Variants in DOCK9 observed in about 807,000 individuals in gnomAD.
The protein encoded by DOCK9 is dedicator of cytokinesis 9, also known as dedicator of cytokinesis protein 9.
DOCK9 carries 89 observed loss-of-function variants against 263.3 expected under a neutral mutation model. The ratio of observed to expected loss-of-function variants is 0.34; its 90% CI spans 0.28 to 0.40. The LOEUF (loss-of-function observed/expected upper bound fraction) is 0.40, where lower values mean the gene tolerates loss of function less well. Among genes scored for constraint, DOCK9 ranks in the 10% least tolerant of loss-of-function variants. The pLI is 1.00. For missense variants in DOCK9, 2,140 were observed against 2,603.4 expected (o/e 0.82, Z 3.87); for synonymous variants, 976 against 973.1 (o/e 1.00, Z -0.06).
intron 3 of DOCK9, among the ~76,000 whole-genome samples, chr13:98,928,149 C>CCCCCA: frequency 6.6e-6 from 1 of 152,208 alleles, no homozygotes; most frequent in East Asian, 1.9e-4. Context: ...AGGCAAGCAA[C>CCCCCA]CCCCACCCCT....
At chr13:99,064,451 T>C (rs1003486661) in intron 1 of DOCK9, among the ~76,000 whole-genome samples, 1 of 152,200 alleles carries the variant, frequency 6.6e-6, no homozygotes, top group African/African-American at 2.4e-5. Context: ...TTTCCATCTA[T>C]AATTTATCAA....
chr13:98,891,819 T>TG, intron 15 of DOCK9, among the ~76,000 whole-genome samples: 1 of 151,760 alleles, frequency 6.6e-6, no homozygotes, highest in East Asian at 1.9e-4. Flanking sequence ...AAAAGTTGTT[T>TG]TTTTTTTTGC....
chr13:98,998,970 G>C (rs1361777189), intron 1 of DOCK9, among the ~76,000 whole-genome samples: 1 of 152,178 alleles, frequency 6.6e-6, no homozygotes, highest in Non-Finnish European at 1.5e-5. Flanking sequence ...AGAAAGGGAA[G>C]CAAGCTCGGA....
intron 30 of DOCK9, among the ~76,000 whole-genome samples, chr13:98,866,535 T>C (rs2094029602): frequency 6.6e-6 from 1 of 152,210 alleles, no homozygotes; most frequent in Non-Finnish European, 1.5e-5. Context: ...CCTGAGTACA[T>C]ACAAGGAATT....
At chr13:99,049,720 G>T (rs529004636) in intron 1 of DOCK9, among the ~76,000 whole-genome samples, 1 of 152,166 alleles carries the variant, frequency 6.6e-6, no homozygotes, top group South Asian at 2.1e-4. Flanking sequence ...GTTTCACCAT[G>T]TTGCCCAGGC....
At chr13:99,082,807 G>C (rs1216938937) in intron 1 of DOCK9, among the ~76,000 whole-genome samples, 2 of 152,104 alleles carry the variant, frequency 1.3e-5, no homozygotes. Flanking sequence ...CCAATCTACA[G>C]ATGAAGAAAC....
intron 3 of DOCK9, among the ~76,000 whole-genome samples, chr13:98,928,092 T>C (rs2053330376): frequency 6.6e-6 from 1 of 150,524 alleles, no homozygotes; most frequent in Non-Finnish European, 1.5e-5. Context: ...GTGTTGACCA[T>C]CTACATAGCA....
At chr13:99,049,971 A>G (rs1202593149) in intron 1 of DOCK9, among the ~76,000 whole-genome samples, 1 of 152,262 alleles carries the variant, frequency 6.6e-6, no homozygotes, top group Non-Finnish European at 1.5e-5. Context: ...ACATCTAAAA[A>G]TACAAGAAGC....
chr13:99,060,298 C>T (rs1032316608), intron 1 of DOCK9, among the ~76,000 whole-genome samples: 1 of 151,788 alleles, frequency 6.6e-6, no homozygotes, highest in East Asian at 1.9e-4. Context: ...AGGATGGTCT[C>T]GATCTCCTGA....
At chr13:98,893,817 G>T (rs1187269043) in intron 15 of DOCK9, among the ~76,000 whole-genome samples, 1 of 152,206 alleles carries the variant, frequency 6.6e-6, no homozygotes, top group African/African-American at 2.4e-5. Flanking sequence ...CTGTTGTGAA[G>T]AATACGGGGA....
At chr13:99,063,832 TTC>T (rs1555305338) in intron 1 of DOCK9, among the ~76,000 whole-genome samples, 3 of 152,092 alleles carry the variant, frequency 2.0e-5, no homozygotes, top group Non-Finnish European at 2.9e-5. Flanking sequence ...TTTTTTTTTT[TTC>T]CATTCATCTT....
At chr13:98,815,115 G>A (rs1036233953) in intron 45 of DOCK9, among the ~76,000 whole-genome samples, 12 of 151,948 alleles carry the variant, frequency 7.9e-5, no homozygotes, top group East Asian at 7.7e-4. Flanking sequence ...TAATATTAAC[G>A]ATATTACTAG....
chr13:99,015,612 C>G, intron 1 of DOCK9: 1 of 1,588,200 alleles, frequency 6.3e-7, no homozygotes. Context: ...AACCCATCCC[C>G]AAGGTGTGGA....
chr13:98,979,725 A>T (rs1876648427), upstream of DOCK9, among the ~76,000 whole-genome samples: 1 of 152,202 alleles, frequency 6.6e-6, no homozygotes, highest in Non-Finnish European at 1.5e-5. Flanking sequence ...TATAAATTTT[A>T]AAAATCTTTC....
rs1403824024 is a variant in DOCK9 at position 99,008,232 on chromosome 13, A to ATTT, written c.130-52682_130-52681insAAA. ...TCTCTCTATATATATATATATATAT[A>ATTT]TATTTTTTTTTTTTTTTGAGACGAA... On this transcript the variant is annotated intron_variant, in intron 1 of 32. Coordinates refer to the DOCK9 transcript ENST00000427887. Among the ~76,000 whole-genome samples the ATTT allele has an allele frequency of 5.4e-3, 561 of 103,330 alleles. 6 individuals are homozygous for ATTT. Among genetic ancestry groups the ATTT allele is most frequent in the South Asian group, 7.2e-3 (22 of 3,060 alleles). The allele number at this position is 103,330 out of a possible 152,430, so 67.8% of individuals were successfully genotyped here. A position where few individuals can be genotyped will look rare whatever the true frequency, so the allele number is the denominator to read the frequency against.
exon 1 of DOCK9, chr13:99,086,438 C>A: frequency 1.2e-6 from 1 of 859,342 alleles, no homozygotes; most frequent in Non-Finnish European, 1.4e-6. Context: ...GGCGCCCGGC[C>A]CGCTCCGCCC....
Position 98,883,798 on chromosome 13 carries a change from T to C in DOCK9, c.2469+15A>G. 6.4e-7 allele frequency: 1 copy of C among 1,567,590 alleles called. No individual in the cohort carries two copies. The highest frequency in any genetic ancestry group is 8.6e-7 in the Non-Finnish European group (1 of 1,158,994). On this transcript the variant is annotated intron_variant, in intron 22 of 52. Transcript: ENST00000682017. ...ACAGGGCAGCAACTGCTAATTTTGT[T>C]GAAGGAGCACATACCTGAGTATACA... is the stretch of plus-strand genomic sequence containing the variant.
intron 1 of DOCK9, among the ~76,000 whole-genome samples, chr13:99,045,934 T>C (rs569916019): frequency 2.6e-3 from 249 of 94,744 alleles, no homozygotes; most frequent in Non-Finnish European, 3.0e-3. Context: ...CTACTAAAAA[T>C]ACAAAAAAAA....
At chr13:98,894,733 C>T (rs1231288412) in intron 15 of DOCK9, among the ~76,000 whole-genome samples, 1 of 151,508 alleles carries the variant, frequency 6.6e-6, no homozygotes, top group African/African-American at 2.4e-5. Context: ...TAATATATTA[C>T]CCACTACCAA....
Sources: gnomAD v4.1 joint callset for allele counts (sites outside exome capture counted in the v4.1 genomes callset) on GRCh38, gnomAD v4.1.1 for gene constraint, MANE v1.5 for transcripts, NCBI Gene and HGNC (gene_info 2026-07-23, HGNC 2026-07-21) for gene names.